OGDHL: variants seen among roughly 807,000 people sequenced by gnomAD.
OGDHL encodes oxoglutarate dehydrogenase L.
Under a neutral mutation model 109.6 loss-of-function variants are expected in OGDHL, and 79 were observed. That is an observed-to-expected ratio of 0.72 (90% CI 0.60 to 0.87). The LOEUF (loss-of-function observed/expected upper bound fraction) is 0.87. OGDHL is among the 40% of genes least tolerant of loss of function. The pLI, the probability that OGDHL is intolerant of heterozygous loss-of-function variation, is 0.00. For missense variants in OGDHL, 1,275 were observed against 1,362.2 expected (o/e 0.94, Z 1.01); for synonymous variants, 528 against 537.2 (o/e 0.98, Z 0.24).
In OGDHL at chr10:49,736,473, C is replaced by T. The variant is rs577930836; in HGVS notation, c.2638G>A (p.Ala880Thr). ...ATGAGCCGCTGCACCTGCTCAGGGG[C>T]CCGTGCTGCGGCCCCATCTTCAGGA... ...VIPEDGAAAR[A>T]PEQVQRLIFC... The change falls in exon 21 of 23, where the codon GCC (alanine) becomes ACC (threonine). Residue 880 changes from alanine to threonine, a missense_variant. Physicochemically the swap from Ala to Thr is moderately conservative, Grantham distance 58 (BLOSUM62 0). Transcript: ENST00000374103. The T allele has an allele frequency of 1.2e-6, 2 of 1,613,854 alleles. No individual in the cohort carries two copies. The highest frequency in any genetic ancestry group is 1.1e-5 in the South Asian group (1 of 91,084).
chr10:49,736,588 C>T (rs369774725), intron 20 of OGDHL, 68 bp from the exon 21 acceptor site: 1 of 1,525,612 alleles, frequency 6.6e-7, no homozygotes, highest in Non-Finnish European at 8.8e-7. Flanking sequence ...CAGGACCAGG[C>T]CTGCATCCCC....
intron 8 of OGDHL, among the ~76,000 whole-genome samples, chr10:49,748,742 C>CCACACACACACACACACACACACA (rs3223401): frequency 9.6e-4 from 129 of 133,950 alleles, no homozygotes; most frequent in African/African-American, 3.5e-3. Flanking sequence ...AGGTATGGGT[C>CCACACACACACACACACACACACA]CACACACACA....
rs531756488 is a variant in OGDHL, at chr10:49,744,261, G to A, written c.1733-139C>T. The stretch of plus-strand genomic sequence containing the variant: ...TCGGACTCACCCTGAGCCCACCCTT[G>A]GGACCTGGGACAGCTGGACAGCCAC... On this transcript the variant is annotated intron_variant, in intron 13 of 22. Coordinates refer to ENST00000374103, the MANE Select transcript of OGDHL (RefSeq NM_018245.3). The A allele has an allele frequency of 1.4e-4, 153 of 1,076,070 alleles. No homozygotes were observed. In the African/African-American group the frequency reaches 2.2e-3, roughly 15 times the overall value. The allele number at this position is 1,076,070 out of a possible 1,614,324, so 66.7% of individuals were successfully genotyped here. A position where few individuals can be genotyped will look rare whatever the true frequency, so the allele number is the denominator to read the frequency against.
At position 49,749,777 on chromosome 10, in the gene OGDHL, G is replaced by T; in HGVS notation, c.936C>A (p.Asp312Glu). ...LNVLANVIRKDLEQIFCQFDP... is the reference protein window; with the variant it reads ...LNVLANVIRKELEQIFCQFDP... ...CAAACTGGCAGAAGATCTGCTCCAG[G>T]TCCTTGCGGATCACGTTGGCCAGCA... is the stretch of plus-strand genomic sequence containing the variant. The change falls in exon 8 of 23, where the codon GAC becomes GAA. Residue 312 changes from aspartate (D) to glutamate (E), a missense_variant. Asp to Glu is a conservative substitution (Grantham distance 45). Transcript: ENST00000374103. 1 of 1,601,246 alleles carries T rather than the reference G, an allele frequency of 6.2e-7. No homozygotes were observed. Among genetic ancestry groups the T allele is most frequent in the Admixed American group, 1.7e-5 (1 of 59,294 alleles).
At position 49,745,486 on chromosome 10, in the gene OGDHL, C is replaced by G. The variant is rs750617101; in HGVS notation, c.1487G>C (p.Arg496Pro). ...GTCCATCTCATTGTGGCCACGCCGG[C>G]GGTAACAGACCTGCAGGAGCAGCCA... is the stretch of plus-strand genomic sequence containing the variant. ...KDVVVDLVCY[R>P]RRGHNEMDEP... The change falls in exon 12 of 23, where the codon CGC (arginine) becomes CCC (proline). Residue 496 changes from arginine to proline, a missense_variant. Transcript: ENST00000374103. The G allele has an allele frequency of 6.2e-7, 1 of 1,613,778 alleles. No homozygotes were observed. Among genetic ancestry groups the G allele is most frequent in the Admixed American group, 1.7e-5 (1 of 60,022 alleles).
chr10:49,760,055 G>C (rs1033962737), intron 1 of OGDHL, among the ~76,000 whole-genome samples: 10 of 152,258 alleles, frequency 6.6e-5, no homozygotes, highest in African/African-American at 2.4e-4. Flanking sequence ...CCAGAGGGCA[G>C]GGCACAGCCC....
chr10:49,755,391 T>C (rs1842858052), intron 3 of OGDHL, among the ~76,000 whole-genome samples: 1 of 152,196 alleles, frequency 6.6e-6, no homozygotes, highest in Non-Finnish European at 1.5e-5. Flanking sequence ...CAAAGAAATG[T>C]TCAATGAATG....
At position 49,740,753 on chromosome 10, in the gene OGDHL, C is replaced by A. The variant is rs754716789; in HGVS notation, c.2097G>T (p.Pro699=). 6.2e-7 allele frequency: 1 copy of A among 1,613,720 alleles called. No homozygotes were observed. The highest frequency in any genetic ancestry group is 8.5e-7 in the Non-Finnish European group (1 of 1,179,814). The stretch of plus-strand genomic sequence containing the variant: ...AGAGGGAGCTGTTGCACACGGTGTA[C>A]GGGGCCTGGTCAGGCCAGAGATGAT... ...PMNHLWPDQA[P]YTVCNSSLSE... The change falls in exon 16 of 23, where the codon CCG becomes CCT. Residue 699 remains proline (P), a synonymous_variant. Transcript: ENST00000374103.
intron 17 of OGDHL, chr10:49,738,833 G>A (rs952128129): frequency 1.3e-5 from 2 of 155,698 alleles, no homozygotes; most frequent in Admixed American, 6.2e-5. Flanking sequence ...CCTGCAGGAC[G>A]GGGATGACCC....
chr10:49,755,376 A>G lies in OGDHL; in HGVS notation c.375+1400T>C, dbSNP rs565889488. On this transcript the variant is annotated intron_variant, in intron 3 of 22. Coordinates refer to ENST00000374103, the MANE Select transcript of OGDHL (RefSeq NM_018245.3). ...TTTTAAGAAGCCCTTTTCTCTAGAC[A>G]TACACAAAGAAATGTTCAATGAATG... 9.2e-5 allele frequency among the ~76,000 whole-genome samples: 14 copies of G among 152,338 alleles called. No individual in the cohort carries two copies. In the South Asian group the frequency reaches 1.9e-3, roughly 20 times the overall value.
chr10:49,755,324 G>A (rs996885532), intron 3 of OGDHL, among the ~76,000 whole-genome samples: 2 of 152,212 alleles, frequency 1.3e-5, no homozygotes, highest in Admixed American at 6.5e-5. Flanking sequence ...ATTATGTTTA[G>A]ATGCGATAAT....
rs376457953 is a variant in OGDHL, at chr10:49,752,633, C to A, written c.478+5G>T. 21 of 1,613,314 alleles carry A rather than the reference C, an allele frequency of 1.3e-5. No homozygotes were observed. The highest frequency in any genetic ancestry group is 1.7e-5 in the Non-Finnish European group (20 of 1,179,322). The stretch of plus-strand genomic sequence containing the variant: ...TGCCATGGCCGTCCTGAGGAAGGGT[C>A]TTACCCAGTTTATCAATGGTTGTGA... On this transcript the variant is annotated splice_donor_5th_base_variant and intron_variant, in intron 4 of 22. Coordinates refer to ENST00000374103, the MANE Select transcript of OGDHL (RefSeq NM_018245.3).
At chr10:49,738,553 C>T in intron 17 of OGDHL, 1 of 462,608 alleles carries the variant, frequency 2.2e-6, no homozygotes, top group Non-Finnish European at 4.0e-6. Context: ...GGAACAGTGG[C>T]TGCCACTGAC....
chr10:49,745,289 T>C (rs1842091602), intron 12 of OGDHL, 55 bp downstream of exon 12: 1 of 1,599,482 alleles, frequency 6.3e-7, no homozygotes, highest in Non-Finnish European at 8.5e-7. Context: ...ACAACCCCTC[T>C]CCAGGGTCCC....
intron 22 of OGDHL, 58 bp downstream of exon 22, chr10:49,735,965 G>A (rs1459433093): frequency 2.0e-6 from 3 of 1,513,664 alleles, no homozygotes; most frequent in Non-Finnish European, 2.6e-6. Context: ...GGGACAGATG[G>A]AGCCAGGACA....
At chr10:49,745,203 G>A in intron 12 of OGDHL, 141 bp downstream of exon 12, 2 of 1,058,836 alleles carry the variant, frequency 1.9e-6, no homozygotes, top group Non-Finnish European at 2.7e-6. Context: ...TTTGGTAACT[G>A]GGGCCTCTTG....
chr10:49,753,599 T>C lies in OGDHL; in HGVS notation c.376-859A>G, dbSNP rs544547628. On this transcript the variant is annotated intron_variant, in intron 3 of 22. Transcript: ENST00000374103. The stretch of plus-strand genomic sequence containing the variant: ...CCAGTCAGTCGTAATAGTGTTAGAA[T>C]TGTTATGCTGGCTGGGCACAGTGGC... Among the ~76,000 whole-genome samples, 6 of 152,260 alleles carry C rather than the reference T, an allele frequency of 3.9e-5. No homozygotes were observed. The South Asian group carries it at 8.3e-4, about 21-fold the overall frequency.
rs745772866 is a variant in OGDHL at position 49,738,044 on chromosome 10, T to G, written c.2420A>C (p.Gln807Pro). The change falls in exon 19 of 23, where the codon CAG becomes CCG. Residue 807 changes from glutamine (Q) to proline (P), a missense_variant. Physicochemically the swap from Gln to Pro is moderately conservative, Grantham distance 76. Coordinates refer to ENST00000374103, the MANE Select transcript of OGDHL (RefSeq NM_018245.3). ...PAFTKDFEVS[Q>P]LYDCNWIVVN... ...CACGATCCAGTTGCAGTCATAGAGC[T>G]GGCTCACCTCGAAGTCCTTGGTGAA... The G allele has an allele frequency of 6.2e-7, 1 of 1,614,166 alleles. No individual in the cohort carries two copies. The highest frequency in any genetic ancestry group is 8.5e-7 in the Non-Finnish European group (1 of 1,180,020).
rs1347279785 is a variant in OGDHL, at chr10:49,735,358, G to T, written c.2910-7C>A. ...TGGGTCCCGGCCAACATACCTGGAG[G>T]AGGAGAGACAAGCTAAGGGGAAGGC... On this transcript the variant is annotated splice_region_variant and splice_polypyrimidine_tract_variant and intron_variant, in intron 22 of 22. Coordinates refer to ENST00000374103, the MANE Select transcript of OGDHL (RefSeq NM_018245.3). The T allele has an allele frequency of 3.1e-6, 5 of 1,611,976 alleles. No individual in the cohort carries two copies. The highest frequency in any genetic ancestry group is 4.2e-6 in the Non-Finnish European group (5 of 1,179,480).
Sources: gnomAD v4.1 joint callset for allele counts (sites outside exome capture counted in the v4.1 genomes callset) on GRCh38, gnomAD v4.1.1 for gene constraint, MANE v1.5 for transcripts, NCBI Gene and HGNC (gene_info 2026-07-23, HGNC 2026-07-21) for gene names.